The following RUNX1 variants were observed in gnomAD, a reference collection of about 807,000 sequenced individuals.
The protein encoded by RUNX1 is runt-related transcription factor 1.
Under a neutral mutation model 42.8 loss-of-function variants are expected in RUNX1, and 19 were observed. That is an observed-to-expected ratio of 0.44 (90% CI 0.31 to 0.65). The LOEUF is 0.65. RUNX1 is among the 30% of genes least tolerant of loss of function. RUNX1 has a pLI of 0.07. For synonymous variants in RUNX1, 271 were observed against 289.4 expected (o/e 0.94, Z 0.64); for missense variants, 528 against 672.0 (o/e 0.79, Z 2.37).
At chr21:34,854,675 C>G (rs1344639113) in intron 6 of RUNX1, among the ~76,000 whole-genome samples, 1 of 152,144 alleles carries the variant, frequency 6.6e-6, no homozygotes, top group Admixed American at 6.5e-5. Context: ...CAGATGTCAC[C>G]TGATGTATGG....
intron 2 of RUNX1, among the ~76,000 whole-genome samples, chr21:34,919,590 C>G (rs1252279108): frequency 6.6e-6 from 1 of 152,212 alleles, no homozygotes; most frequent in South Asian, 2.1e-4. Flanking sequence ...ATATTTGGCT[C>G]ACACCAGCAG....
At position 34,849,427 on chromosome 21, in the gene RUNX1, T is replaced by TATATA. The variant is rs1428388749; in HGVS notation, c.613+10042_613+10046dup. Among the ~76,000 whole-genome samples the TATATA allele has an allele frequency of 6.1e-3, 438 of 71,924 alleles. 44 individuals are homozygous for TATATA. The highest frequency in any genetic ancestry group is 0.023 in the African/African-American group (415 of 18,026). The allele number at this position is 71,924 out of a possible 152,430, so 47.2% of individuals were successfully genotyped here. A position where few individuals can be genotyped will look rare whatever the true frequency, so the allele number is the denominator to read the frequency against. ...ACTATATATAATATATTATATAGTA[T>TATATA]ATATATTATATATATACTATATATT... is the stretch of plus-strand genomic sequence containing the variant. On this transcript the variant is annotated intron_variant, in intron 6 of 8. Coordinates refer to ENST00000675419, the MANE Select transcript of RUNX1 (RefSeq NM_001754.5).
intron 7 of RUNX1, among the ~76,000 whole-genome samples, chr21:34,802,831 T>C (rs1319609278): frequency 1.3e-5 from 2 of 152,246 alleles, no homozygotes; most frequent in Non-Finnish European, 2.9e-5. Flanking sequence ...ACCAACTGGA[T>C]GACCTTAGGC....
intron 2 of RUNX1, among the ~76,000 whole-genome samples, chr21:35,010,621 A>G (rs933669848): frequency 6.8e-6 from 1 of 147,404 alleles, no homozygotes; most frequent in Admixed American, 6.9e-5. Flanking sequence ...GAGTACACAC[A>G]CACGCACACA....
chr21:35,005,878 T>C (rs925054556), intron 2 of RUNX1, among the ~76,000 whole-genome samples: 1 of 152,238 alleles, frequency 6.6e-6, no homozygotes, highest in African/African-American at 2.4e-5. Context: ...GTGTGCCTCA[T>C]GGCCTTGACA....
intron 7 of RUNX1, chr21:34,829,743 A>G (rs2057037133): frequency 6.6e-6 from 1 of 152,264 alleles, no homozygotes; most frequent in African/African-American, 2.4e-5. Context: ...GTAATCAAAT[A>G]GTCCCTACTC....
chr21:34,971,501 T>TCAGC (rs1247681182), intron 2 of RUNX1, among the ~76,000 whole-genome samples: 7 of 147,594 alleles, frequency 4.7e-5, no homozygotes, highest in South Asian at 2.1e-4. Context: ...AAAATTTTTA[T>TCAGC]CAGCCATCCA....
chr21:34,841,466 C>A (rs764573953), intron 6 of RUNX1, among the ~76,000 whole-genome samples: 1 of 152,138 alleles, frequency 6.6e-6, no homozygotes, highest in African/African-American at 2.4e-5. Context: ...CTACTCTGGG[C>A]CTTCCCGAAC....
chr21:35,019,990 T>C (rs751233203), intron 2 of RUNX1, among the ~76,000 whole-genome samples: 5 of 152,188 alleles, frequency 3.3e-5, no homozygotes, highest in Non-Finnish European at 4.4e-5. Flanking sequence ...ATGGGCTGTT[T>C]ACATAGTCTT....
intron 2 of RUNX1, chr21:35,038,661 G>A: frequency 2.2e-6 from 1 of 455,626 alleles, no homozygotes; most frequent in Non-Finnish European, 4.4e-6. Context: ...TAGAGAGAGA[G>A]AGAGAGAGAG....
intron 2 of RUNX1, among the ~76,000 whole-genome samples, chr21:34,933,470 G>A (rs1161630926): frequency 2.6e-5 from 4 of 152,116 alleles, no homozygotes; most frequent in African/African-American, 9.7e-5. Flanking sequence ...TTTTATGAGT[G>A]GTGGGATGTT....
chr21:34,931,391 A>G (rs2058445175), intron 2 of RUNX1, among the ~76,000 whole-genome samples: 1 of 146,838 alleles, frequency 6.8e-6, no homozygotes, highest in African/African-American at 2.5e-5. Flanking sequence ...ATACATGTAT[A>G]TAATATATAC....
At chr21:35,019,554 C>A (rs1383329256) in intron 2 of RUNX1, among the ~76,000 whole-genome samples, 1 of 152,122 alleles carries the variant, frequency 6.6e-6, no homozygotes, top group Non-Finnish European at 1.5e-5. Context: ...TAAAATAATT[C>A]AATGATTATC....
At chr21:34,966,207 G>A (rs1287737052) in intron 2 of RUNX1, among the ~76,000 whole-genome samples, 1 of 152,212 alleles carries the variant, frequency 6.6e-6, no homozygotes, top group Non-Finnish European at 1.5e-5. Flanking sequence ...AAGTAGTGGA[G>A]CTTAAATTTG....
chr21:35,009,050 G>A (rs1371256477), intron 2 of RUNX1, among the ~76,000 whole-genome samples: 50 of 152,210 alleles, frequency 3.3e-4, no homozygotes, highest in Admixed American at 3.1e-3. Context: ...TGGTCTCCCT[G>A]TTGGCCCTGA....
chr21:34,886,656 C>A (rs1482216301), intron 4 of RUNX1, among the ~76,000 whole-genome samples, 187 bp downstream of exon 4: 1 of 152,246 alleles, frequency 6.6e-6, no homozygotes, highest in Non-Finnish European at 1.5e-5. Flanking sequence ...AAAGCTGAGA[C>A]GAGTGCCTCC....
chr21:34,991,131 G>A (rs996643594), intron 2 of RUNX1, among the ~76,000 whole-genome samples: 2 of 152,130 alleles, frequency 1.3e-5, no homozygotes, highest in Admixed American at 6.5e-5. Flanking sequence ...CTGCGCTGGC[G>A]AAGACCGGGG....
chr21:34,996,323 TGGTACAGG>T (rs990373078), intron 2 of RUNX1, among the ~76,000 whole-genome samples: 9 of 151,750 alleles, frequency 5.9e-5, no homozygotes, highest in Non-Finnish European at 8.8e-5. Flanking sequence ...GAGGGAAAAG[TGGTACAGG>T]AGAGAAAATA....
intron 6 of RUNX1, 47 bp downstream of exon 6, chr21:34,859,427 G>A (rs754530639): frequency 1.5e-5 from 20 of 1,297,198 alleles, no homozygotes; most frequent in Non-Finnish European, 2.0e-5. Flanking sequence ...CAGCCTGGAG[G>A]GTGTACCAGC....
Sources: allele counts gnomAD v4.1 joint callset (sites outside exome capture counted in the v4.1 genomes callset), GRCh38; gene constraint gnomAD v4.1.1; transcripts MANE v1.5; gene names NCBI Gene and HGNC (gene_info 2026-07-23, HGNC 2026-07-21).